TMEM178A: variants seen among roughly 807,000 people sequenced by gnomAD.
TMEM178A encodes transmembrane protein 178A.
In TMEM178A, 12 loss-of-function variants were observed where a neutral mutation model predicts 29.1. That is an observed-to-expected ratio of 0.41 (90% CI 0.26 to 0.67). The LOEUF (loss-of-function observed/expected upper bound fraction) is 0.67, where lower values mean the gene tolerates loss of function less well. Ranked by LOEUF, TMEM178A falls within the 30% of genes least tolerant of loss-of-function variation. TMEM178A has a pLI of 0.29. For synonymous variants in TMEM178A, 210 were observed against 187.2 expected (o/e 1.12, Z -0.99); for missense variants, 366 against 419.1 (o/e 0.87, Z 1.11).
rs571429706 is a variant in TMEM178A, at chr2:39,671,721, A to C, written c.400+5347A>C. 7.2e-5 allele frequency among the ~76,000 whole-genome samples: 11 copies of C among 152,308 alleles called. No individual in the cohort carries two copies. In the East Asian group the frequency reaches 1.7e-3, roughly 24 times the overall value. On this transcript the variant is annotated intron_variant, in intron 1 of 3. Coordinates refer to ENST00000281961, the MANE Select transcript of TMEM178A (RefSeq NM_152390.3). ...AAGGGATGTGGTAATACATATATAT[A>C]ACTAGAAGTTCAACCATTTTCATGC...
At chr2:39,680,608 A>C (rs1348810367) in intron 1 of TMEM178A, among the ~76,000 whole-genome samples, 1 of 152,222 alleles carries the variant, frequency 6.6e-6, no homozygotes, top group Non-Finnish European at 1.5e-5. Flanking sequence ...GGTGTCAGGA[A>C]CTGGAATTAG....
downstream of TMEM178A, among the ~76,000 whole-genome samples, chr2:39,718,304 T>C (rs138131852): frequency 8.2e-3 from 1,256 of 152,292 alleles, 16 homozygotes; most frequent in African/African-American, 0.029. Flanking sequence ...CTGTTTTTGT[T>C]CTTGGACCTC....
intron 1 of TMEM178A, among the ~76,000 whole-genome samples, chr2:39,679,072 A>G (rs1255942420): frequency 6.6e-6 from 1 of 152,194 alleles, no homozygotes; most frequent in Non-Finnish European, 1.5e-5. Flanking sequence ...CTGGGATGCC[A>G]TTGTACTTTA....
At chr2:39,728,960 C>T in the TMEM178A span, among the ~76,000 whole-genome samples, 1 of 152,144 alleles carries the variant, frequency 6.6e-6, no homozygotes, top group African/African-American at 2.4e-5. Context: ...TTTGGAGGGA[C>T]TCCACTGAGA....
the TMEM178A span, among the ~76,000 whole-genome samples, chr2:39,731,677 A>T: frequency 1.3e-5 from 2 of 152,166 alleles, no homozygotes; most frequent in African/African-American, 2.4e-5. Flanking sequence ...TCAAATTTCA[A>T]TGTGAGCTTC....
chr2:39,706,966 A>G (rs927995821), intron 2 of TMEM178A, 83 bp from the exon 3 acceptor site: 1 of 1,485,526 alleles, frequency 6.7e-7, no homozygotes, highest in Non-Finnish European at 9.0e-7. Context: ...AATTTTCACA[A>G]TGTATACAAA....
intron 1 of TMEM178A, among the ~76,000 whole-genome samples, chr2:39,681,601 T>G (rs993345069): frequency 1.3e-5 from 2 of 152,204 alleles, no homozygotes; most frequent in African/African-American, 4.8e-5. Flanking sequence ...TAGAATTTTT[T>G]TTTATTCTGT....
chr2:39,684,583 C>A (rs543782109), intron 1 of TMEM178A, among the ~76,000 whole-genome samples: 1 of 152,258 alleles, frequency 6.6e-6, no homozygotes, highest in African/African-American at 2.4e-5. Flanking sequence ...GTCCTCATAT[C>A]CCTTTCTTAC....
At chr2:39,669,625 T>C (rs2148051568) in intron 1 of TMEM178A, among the ~76,000 whole-genome samples, 1 of 152,320 alleles carries the variant, frequency 6.6e-6, no homozygotes, top group Middle Eastern at 3.4e-3. Flanking sequence ...TCAGAAAGAA[T>C]GGAGGTAAAG....
intron 1 of TMEM178A, among the ~76,000 whole-genome samples, chr2:39,682,298 A>G (rs1355339056): frequency 1.3e-5 from 2 of 152,126 alleles, no homozygotes; most frequent in African/African-American, 4.8e-5. Context: ...AGTGTGAACT[A>G]TGATGTAATG....
the TMEM178A span, among the ~76,000 whole-genome samples, chr2:39,731,390 T>C: frequency 6.6e-6 from 1 of 152,178 alleles, no homozygotes; most frequent in African/African-American, 2.4e-5. Flanking sequence ...AAAAGCATAG[T>C]GCCACATCTG....
intron 1 of TMEM178A, among the ~76,000 whole-genome samples, chr2:39,672,375 A>G (rs965404919): frequency 1.3e-5 from 2 of 152,192 alleles, no homozygotes; most frequent in Admixed American, 6.5e-5. Flanking sequence ...AAAAAGGAAG[A>G]GTTTGCTATG....
downstream of TMEM178A, among the ~76,000 whole-genome samples, chr2:39,720,213 T>G (rs1391183557): frequency 6.6e-6 from 1 of 152,148 alleles, no homozygotes; most frequent in African/African-American, 2.4e-5. Flanking sequence ...ATACTAACTT[T>G]TTGCAAGGGC....
intron 1 of TMEM178A, among the ~76,000 whole-genome samples, chr2:39,693,687 A>T (rs530016409): frequency 1.3e-5 from 2 of 152,170 alleles, no homozygotes; most frequent in African/African-American, 4.8e-5. Context: ...ACATAAAATT[A>T]TATCTTCTCT....
chr2:39,683,068 T>A (rs1341357261), intron 1 of TMEM178A, among the ~76,000 whole-genome samples: 4 of 152,252 alleles, frequency 2.6e-5, no homozygotes, highest in Non-Finnish European at 5.9e-5. Flanking sequence ...TCTATTGATC[T>A]TCAGGACTAC....
chr2:39,708,603 G>C (rs60003713), intron 3 of TMEM178A, among the ~76,000 whole-genome samples: 4,628 of 150,978 alleles, frequency 0.031, 95 homozygotes, highest in African/African-American at 0.035. Context: ...ATTTTTAGTA[G>C]AGACGGGGTT....
chr2:39,706,980 C>A (rs1411552593), intron 2 of TMEM178A, 69 bp from the exon 3 acceptor site: 2 of 1,536,182 alleles, frequency 1.3e-6, no homozygotes, highest in Non-Finnish European at 8.8e-7. Context: ...ATACAAAGCC[C>A]TAATTCTCTA....
At chr2:39,687,644 G>A (rs999338318) in intron 1 of TMEM178A, among the ~76,000 whole-genome samples, 1 of 152,222 alleles carries the variant, frequency 6.6e-6, no homozygotes, top group Non-Finnish European at 1.5e-5. Flanking sequence ...TTTCTATGCA[G>A]AGCTTGATAT....
chr2:39,727,709 C>T, the TMEM178A span, among the ~76,000 whole-genome samples: 1 of 151,756 alleles, frequency 6.6e-6, no homozygotes, highest in Non-Finnish European at 1.5e-5. Context: ...AATGCTATCC[C>T]TCCCCCAGCC....
Sources: gnomAD v4.1 joint callset for allele counts (sites outside exome capture counted in the v4.1 genomes callset) on GRCh38, gnomAD v4.1.1 for gene constraint, MANE v1.5 for transcripts, NCBI Gene and HGNC (gene_info 2026-07-23, HGNC 2026-07-21) for gene names.